The following MGAT4C variants were observed in gnomAD, a reference collection of about 807,000 sequenced individuals.
MGAT4C encodes the protein MGAT4 family member C.
MGAT4C carries 19 observed loss-of-function variants against 40.1 expected under a neutral mutation model. The observed-to-expected ratio is 0.47, with a 90% confidence interval of 0.33 to 0.70. MGAT4C has a LOEUF of 0.70. MGAT4C is among the 30% of genes least tolerant of loss of function. The pLI is 0.02. For missense variants in MGAT4C, 491 were observed against 563.2 expected, an observed-to-expected ratio of 0.87 and a Z score of 1.30; for synonymous variants, 181 against 187.1, an observed-to-expected ratio of 0.97 and a Z score of 0.27.
At chr12:86,398,340 G>T (rs946972786) in intron 3 of MGAT4C, among the ~76,000 whole-genome samples, 6 of 152,066 alleles carry the variant, frequency 3.9e-5, no homozygotes, top group Admixed American at 6.5e-5. Flanking sequence ...AACCGACCTG[G>T]ATAATCCAAG....
chr12:86,312,680 A>G (rs1954109280), intron 4 of MGAT4C, among the ~76,000 whole-genome samples: 1 of 151,998 alleles, frequency 6.6e-6, no homozygotes, highest in Non-Finnish European at 1.5e-5. Flanking sequence ...TATAATGTAA[A>G]TAATATTTTA....
At chr12:86,718,846 C>T (rs1316052111) in intron 2 of MGAT4C, among the ~76,000 whole-genome samples, 1 of 152,056 alleles carries the variant, frequency 6.6e-6, no homozygotes, top group African/African-American at 2.4e-5. Flanking sequence ...CATCCCCAAA[C>T]CATCCCACCC....
chr12:86,000,172 A>C (rs971699887), intron 2 of MGAT4C, among the ~76,000 whole-genome samples: 4 of 152,168 alleles, frequency 2.6e-5, no homozygotes, highest in African/African-American at 9.7e-5. Context: ...AGAAATTAGA[A>C]AAAAGGGTAA....
chr12:86,721,496 T>A (rs543543681), intron 2 of MGAT4C, among the ~76,000 whole-genome samples: 3 of 152,240 alleles, frequency 2.0e-5, no homozygotes, highest in African/African-American at 7.2e-5. Flanking sequence ...AATGTTCTTA[T>A]CCACTTTCCT....
intron 2 of MGAT4C, among the ~76,000 whole-genome samples, chr12:86,684,047 C>G (rs984894549): frequency 3.9e-5 from 6 of 152,120 alleles, no homozygotes. Flanking sequence ...TATCTACACC[C>G]AATTATTCAT....
intron 4 of MGAT4C, among the ~76,000 whole-genome samples, chr12:86,308,677 CAAAG>C (rs1953999157): frequency 6.6e-6 from 1 of 150,524 alleles, no homozygotes; most frequent in Non-Finnish European, 1.5e-5. Flanking sequence ...AAAGTTAATA[CAAAG>C]AAAGCCATTC....
chr12:86,668,403 C>T (rs970096166), intron 2 of MGAT4C, among the ~76,000 whole-genome samples: 3 of 152,126 alleles, frequency 2.0e-5, no homozygotes, highest in Non-Finnish European at 2.9e-5. Context: ...ACCTTTCCAC[C>T]TGGGATTTGG....
At chr12:86,336,721 C>T (rs1954799257) in intron 3 of MGAT4C, among the ~76,000 whole-genome samples, 1 of 152,038 alleles carries the variant, frequency 6.6e-6, no homozygotes, top group African/African-American at 2.4e-5. Context: ...AGAAGATAAA[C>T]ATTACAGTAT....
intron 1 of MGAT4C, among the ~76,000 whole-genome samples, chr12:86,110,983 T>C (rs1363308934): frequency 6.6e-6 from 1 of 151,854 alleles, no homozygotes; most frequent in Admixed American, 6.6e-5. Context: ...TTTTCATGTA[T>C]ATGAAATGAA....
chr12:86,025,524 A>T (rs1304272801), intron 2 of MGAT4C, among the ~76,000 whole-genome samples: 1 of 151,824 alleles, frequency 6.6e-6, no homozygotes, highest in African/African-American at 2.4e-5. Flanking sequence ...AAATTTATCC[A>T]TTGTTGAAAA....
intron 4 of MGAT4C, among the ~76,000 whole-genome samples, chr12:86,265,313 C>T (rs763633964): frequency 3.9e-5 from 6 of 152,198 alleles, no homozygotes; most frequent in Non-Finnish European, 8.8e-5. Context: ...GCGTCACCAG[C>T]CACAGAGGTT....
chr12:85,976,588 G>A lies in MGAT4C; in HGVS notation c.*2701C>T, dbSNP rs1883996631. 6.8e-6 allele frequency: 1 copy of A among 147,950 alleles called. No homozygotes were observed. Among genetic ancestry groups the A allele is most frequent in the African/African-American group, 2.5e-5 (1 of 40,212 alleles). The allele number at this position is 147,950 out of a possible 1,614,324, so 9.2% of individuals were successfully genotyped here. On this transcript the variant is annotated 3_prime_UTR_variant, in exon 5 of 5. Coordinates refer to ENST00000611864, the MANE Select transcript of MGAT4C (RefSeq NM_001351288.2). The stretch of plus-strand genomic sequence containing the variant: ...CATTTTATTTGTATGGCAATTAAAT[G>A]ACTCAGCCATTCATGTCTCATGCCA...
In MGAT4C at chr12:86,804,140, A is replaced by G. The variant is rs377613698; in HGVS notation, c.-262+34526T>C. ...AGGGACATGGATGAAATTGGAAATC[A>G]TAATTCTCAGTAAACTATCACAAGA... On this transcript the variant is annotated intron_variant, in intron 1 of 7. Transcript: ENST00000548651. Among the ~76,000 whole-genome samples, 25 of 151,708 alleles carry G rather than the reference A, an allele frequency of 1.6e-4. 1 individual carries two copies. The East Asian group carries it at 3.9e-3, about 24-fold the overall frequency.
chr12:86,621,538 G>T (rs1962637712), intron 2 of MGAT4C, among the ~76,000 whole-genome samples: 1 of 152,158 alleles, frequency 6.6e-6, no homozygotes, highest in South Asian at 2.1e-4. Context: ...GAGTGCAGTG[G>T]CATGATCAAA....
At chr12:86,193,008 T>A (rs1889698710) in intron 1 of MGAT4C, among the ~76,000 whole-genome samples, 1 of 152,102 alleles carries the variant, frequency 6.6e-6, no homozygotes, top group African/African-American at 2.4e-5. Flanking sequence ...CACTTCTTAC[T>A]TTTGTATATA....
intron 2 of MGAT4C, among the ~76,000 whole-genome samples, chr12:86,562,974 A>C (rs1169300187): frequency 6.6e-6 from 1 of 152,110 alleles, no homozygotes. Context: ...GTGAGCTGGA[A>C]ATGCCTGATC....
chr12:86,098,293 T>C (rs1310877597), intron 1 of MGAT4C, among the ~76,000 whole-genome samples: 1 of 151,702 alleles, frequency 6.6e-6, no homozygotes, highest in African/African-American at 2.4e-5. Flanking sequence ...TAATTTGTTA[T>C]TTTGTTTCTT....
intron 1 of MGAT4C, among the ~76,000 whole-genome samples, chr12:86,828,203 T>C (rs1215655436): frequency 6.6e-6 from 1 of 151,116 alleles, no homozygotes; most frequent in African/African-American, 2.4e-5. Context: ...TAATAGTTTA[T>C]TCAATCAGAA....
At chr12:86,553,569 T>C (rs957910623) in intron 2 of MGAT4C, among the ~76,000 whole-genome samples, 6 of 152,122 alleles carry the variant, frequency 3.9e-5, no homozygotes, top group African/African-American at 1.4e-4. Context: ...ACTTGTTCTA[T>C]AATCGTTTAT....
Sources: allele counts gnomAD v4.1 joint callset (sites outside exome capture counted in the v4.1 genomes callset), GRCh38; gene constraint gnomAD v4.1.1; transcripts MANE v1.5; gene names NCBI Gene and HGNC (gene_info 2026-07-23, HGNC 2026-07-21).